The following SEMA6A variants were observed in gnomAD, a reference collection of about 807,000 sequenced individuals.
SEMA6A encodes the protein semaphorin 6A.
A neutral mutation model predicts 96.8 loss-of-function variants in SEMA6A; 25 were observed. That is an observed-to-expected ratio of 0.26 (90% CI 0.19 to 0.36). The LOEUF (loss-of-function observed/expected upper bound fraction) is 0.36, where lower values mean the gene tolerates loss of function less well. Ranked by LOEUF, SEMA6A falls within the 10% of genes least tolerant of loss-of-function variation. The probability of loss-of-function intolerance (pLI) is 1.00; values close to 1 mark genes in which losing one functional copy is unlikely to be tolerated. For missense variants in SEMA6A, 1,363 were observed against 1,323.1 expected (o/e 1.03, Z -0.47); for synonymous variants, 612 against 518.0 (o/e 1.18, Z -2.46).
rs868005132 is a variant in SEMA6A at position 116,517,723 on chromosome 5, A to G, written c.-38-12741T>C. ...TCCCAAAGCCTCTCCTAAGTAAGTG[A>G]TATCATCCAGAAGCAGCAGAAGTGA... On this transcript the variant is annotated intron_variant, in intron 1 of 18. Transcript: ENST00000343348. Among the ~76,000 whole-genome samples, 12 of 152,200 alleles carry G rather than the reference A, an allele frequency of 7.9e-5. 1 individual carries two copies. The highest frequency in any genetic ancestry group is 2.2e-4 in the African/African-American group (9 of 41,454).
At chr5:116,451,924 G>A (rs1175896605) in intron 18 of SEMA6A, among the ~76,000 whole-genome samples, 2 of 151,960 alleles carry the variant, frequency 1.3e-5, no homozygotes, top group African/African-American at 2.4e-5. Context: ...CGATAAATGG[G>A]TTATTTACAA....
At chr5:116,481,547 T>C (rs1303761483) in intron 11 of SEMA6A, among the ~76,000 whole-genome samples, 6 of 152,154 alleles carry the variant, frequency 3.9e-5, no homozygotes, top group Non-Finnish European at 7.4e-5. Context: ...AGGTATGTTG[T>C]GGGGAGGACT....
At chr5:116,533,565 G>A (rs750709242) in intron 1 of SEMA6A, among the ~76,000 whole-genome samples, 19 of 152,110 alleles carry the variant, frequency 1.2e-4, no homozygotes, top group Non-Finnish European at 2.2e-4. Flanking sequence ...TCTCTGGAGC[G>A]AGGCGGCACT....
At chr5:116,451,526 G>A (rs1414333287) in intron 18 of SEMA6A, among the ~76,000 whole-genome samples, 2 of 152,152 alleles carry the variant, frequency 1.3e-5, no homozygotes, top group African/African-American at 4.8e-5. Context: ...GGAAAATGTT[G>A]GCAATTATAG....
At chr5:116,491,479 A>G (rs1209335220) in intron 7 of SEMA6A, among the ~76,000 whole-genome samples, 1 of 152,056 alleles carries the variant, frequency 6.6e-6, no homozygotes, top group Non-Finnish European at 1.5e-5. Context: ...TTTGAGCCCA[A>G]ACATTCCCTA....
chr5:116,551,977 AC>A (rs1760434376), intron 1 of SEMA6A, among the ~76,000 whole-genome samples: 1 of 152,246 alleles, frequency 6.6e-6, no homozygotes, highest in South Asian at 2.1e-4. Context: ...AGAACCAGTC[AC>A]AGGATCTTGT....
intron 18 of SEMA6A, among the ~76,000 whole-genome samples, chr5:116,454,809 TGC>T (rs1561465607): frequency 2.0e-5 from 3 of 150,208 alleles, no homozygotes; most frequent in Non-Finnish European, 4.5e-5. Context: ...TGTGTGTGTG[TGC>T]ATGTGTGTGT....
rs1377446579 is a variant in SEMA6A at position 116,444,700 on chromosome 5, A to C, written c.*1913T>G. On this transcript the variant is annotated 3_prime_UTR_variant, in exon 19 of 19. Transcript: ENST00000343348. ...AATAAAAAATCCTTTGCCCCAGTCA[A>C]CGTTTTTGCAGCATCCATTGTGGTC... 1 of 152,360 alleles carries C rather than the reference A, an allele frequency of 6.6e-6. No homozygotes were observed. Among genetic ancestry groups the C allele is most frequent in the African/African-American group, 2.4e-5 (1 of 41,454 alleles). The allele number at this position is 152,360 out of a possible 1,614,324, so 9.4% of individuals were successfully genotyped here.
At chr5:116,479,081 T>G (rs1756620317) in intron 12 of SEMA6A, among the ~76,000 whole-genome samples, 2 of 152,160 alleles carry the variant, frequency 1.3e-5, no homozygotes, top group Non-Finnish European at 2.9e-5. Context: ...AATAAGAAAT[T>G]CATTTAACCT....
chr5:116,513,343 TCTCAAA>T (rs1376434571), intron 1 of SEMA6A, among the ~76,000 whole-genome samples: 2 of 152,066 alleles, frequency 1.3e-5, no homozygotes, highest in African/African-American at 4.8e-5. Context: ...GTCAGGCTGG[TCTCAAA>T]CTCCCAACCT....
intron 18 of SEMA6A, among the ~76,000 whole-genome samples, chr5:116,455,764 G>A (rs1754971080): frequency 6.6e-6 from 1 of 152,178 alleles, no homozygotes; most frequent in Non-Finnish European, 1.5e-5. Context: ...GGTTAAAGAT[G>A]AGACTGGGTG....
rs1472488010 is a variant in SEMA6A at position 116,443,673 on chromosome 5, A to C, written c.*2940T>G. 1.3e-5 allele frequency: 2 copies of C among 152,262 alleles called. No individual in the cohort carries two copies. Among genetic ancestry groups the C allele is most frequent in the Non-Finnish European group, 2.9e-5 (2 of 67,958 alleles). 9.4% of individuals were successfully genotyped at this position (152,262 alleles called of 1,614,324 possible). A position where few individuals can be genotyped will look rare whatever the true frequency, so the allele number is the denominator to read the frequency against. On this transcript the variant is annotated 3_prime_UTR_variant, in exon 19 of 19. Transcript: ENST00000343348. ...TCTTACAACATACATTAAGTCGTGA[A>C]TCAGATGTTAGGGGATGTGGAGATG...
Position 116,444,576 on chromosome 5 carries a change from A to T in SEMA6A, c.*2037T>A, listed in dbSNP as rs1486449207. The T allele has an allele frequency of 6.5e-6, 1 of 152,686 alleles. No individual in the cohort carries two copies. Among genetic ancestry groups the T allele is most frequent in the African/African-American group, 2.4e-5 (1 of 41,464 alleles). 9.5% of individuals were successfully genotyped at this position (152,686 alleles called of 1,614,324 possible). A position where few individuals can be genotyped will look rare whatever the true frequency, so the allele number is the denominator to read the frequency against. On this transcript the variant is annotated 3_prime_UTR_variant, in exon 19 of 19. Coordinates refer to ENST00000343348, the MANE Select transcript of SEMA6A (RefSeq NM_020796.5). Reference sequence around the variant, plus strand: ...TCCTTTGTTCATGATAGAGTAAACAAAAGTCCCTTTTGTGTGCTTGAGCAA... The same window carrying T: ...TCCTTTGTTCATGATAGAGTAAACATAAGTCCCTTTTGTGTGCTTGAGCAA...
intron 17 of SEMA6A, among the ~76,000 whole-genome samples, chr5:116,470,871 A>G (rs1016790717): frequency 5.3e-5 from 8 of 152,190 alleles, no homozygotes; most frequent in African/African-American, 1.9e-4. Context: ...TCTTGTCTAT[A>G]TCCATGCTCA....
Position 116,446,534 on chromosome 5 carries a change from G to T in SEMA6A, c.*79C>A. The T allele has an allele frequency of 8.0e-7, 1 of 1,245,278 alleles. No homozygotes were observed. The highest frequency in any genetic ancestry group is 1.8e-5 in the South Asian group (1 of 57,104). The allele number at this position is 1,245,278 out of a possible 1,614,324, so 77.1% of individuals were successfully genotyped here. ...CCTTCTTGGTCTGGTGGGTACTCGA[G>T]GCAGTTGAGAACCTTGCTGAGCTGA... On this transcript the variant is annotated 3_prime_UTR_variant, in exon 19 of 19. Transcript: ENST00000343348.
At chr5:116,478,504 C>T in intron 13 of SEMA6A, 38 bp downstream of exon 13, 1 of 1,549,370 alleles carries the variant, frequency 6.5e-7, no homozygotes, top group Non-Finnish European at 8.7e-7. Context: ...AATAGCATAA[C>T]AAATAATTAC....
At chr5:116,546,881 C>G (rs921449861) in intron 1 of SEMA6A, among the ~76,000 whole-genome samples, 35 of 152,318 alleles carry the variant, frequency 2.3e-4, no homozygotes, top group African/African-American at 7.9e-4. Flanking sequence ...CTTTTTATTG[C>G]TCATTATCGC....
At chr5:116,460,919 G>A (rs1347771668) in intron 18 of SEMA6A, among the ~76,000 whole-genome samples, 3 of 151,426 alleles carry the variant, frequency 2.0e-5, no homozygotes, top group Non-Finnish European at 2.9e-5. Flanking sequence ...CCAAGTAGCT[G>A]AGATTACAGG....
chr5:116,524,766 A>G (rs1759130453), intron 1 of SEMA6A, among the ~76,000 whole-genome samples: 1 of 150,240 alleles, frequency 6.7e-6, no homozygotes, highest in African/African-American at 2.5e-5. Flanking sequence ...TTACATGGGT[A>G]TGTATACACA....
Sources: allele counts gnomAD v4.1 joint callset (sites outside exome capture counted in the v4.1 genomes callset), GRCh38; gene constraint gnomAD v4.1.1; transcripts MANE v1.5; gene names NCBI Gene and HGNC (gene_info 2026-07-23, HGNC 2026-07-21).